Variants in CREB3L2 observed in about 807,000 individuals in gnomAD.
The protein encoded by CREB3L2 is cAMP responsive element binding protein 3 like 2, also known as cyclic AMP-responsive element-binding protein 3-like protein 2.
A neutral mutation model predicts 57.2 loss-of-function variants in CREB3L2; 23 were observed. The ratio of observed to expected loss-of-function variants is 0.40; its 90% CI spans 0.29 to 0.57. The LOEUF is 0.57. Among genes scored for constraint, CREB3L2 ranks in the 20% least tolerant of loss-of-function variants. CREB3L2 has a pLI of 0.42. For synonymous variants in CREB3L2, 268 were observed against 265.1 expected, an observed-to-expected ratio of 1.01 and a Z score of -0.11; for missense variants, 628 against 634.7, an observed-to-expected ratio of 0.99 and a Z score of 0.11.
At chr7:137,977,470 T>A (rs1801628199) in intron 1 of CREB3L2, among the ~76,000 whole-genome samples, 1 of 152,226 alleles carries the variant, frequency 6.6e-6, no homozygotes, top group African/African-American at 2.4e-5. Context: ...CAGGAAAGAA[T>A]CTTGGTATAA....
chr7:137,971,557 G>A (rs1218941337), intron 1 of CREB3L2, among the ~76,000 whole-genome samples: 1 of 151,886 alleles, frequency 6.6e-6, no homozygotes, highest in African/African-American at 2.4e-5. Context: ...GCTGTGATGT[G>A]TGAGTGCACA....
Position 138,001,508 on chromosome 7 carries a change from A to T in CREB3L2, c.102+96T>A, listed in dbSNP as rs1585688146. On this transcript the variant is annotated intron_variant, in intron 1 of 11. Transcript: ENST00000330387. This position sits in a 1 kb window ranked among gnomAD's most constrained non-coding sequence, Gnocchi z 4.2. ...TGATTCTGACCATGCCCTGCCCCAA[A>T]CCCTGCCTTCCCGGGTCCCAGGACT... 1.1e-6 allele frequency: 1 copy of T among 888,332 alleles called. No individual in the cohort carries two copies. Among genetic ancestry groups the T allele is most frequent in the Non-Finnish European group, 1.8e-6 (1 of 567,878 alleles). The allele number at this position is 888,332 out of a possible 1,614,324, so 55.0% of individuals were successfully genotyped here. A position where few individuals can be genotyped will look rare whatever the true frequency, so the allele number is the denominator to read the frequency against.
At chr7:137,952,315 G>T (rs894436496) in intron 1 of CREB3L2, among the ~76,000 whole-genome samples, 4 of 152,114 alleles carry the variant, frequency 2.6e-5, no homozygotes, top group African/African-American at 4.8e-5. Flanking sequence ...GACTTTGAAG[G>T]TTCTCCTTGT....
rs149220295 is a variant in CREB3L2, at chr7:137,879,826, G to A, written c.*650C>T. On this transcript the variant is annotated 3_prime_UTR_variant, in exon 12 of 12. Transcript: ENST00000330387. ...CCAGGTTGTGGGAGGTCCTAAAAGC[G>A]ACAAGATGGGGCAGGTTTGCCTGGA... 41 of 235,152 alleles carry A rather than the reference G, an allele frequency of 1.7e-4. No individual in the cohort carries two copies. The highest frequency in any genetic ancestry group is 2.6e-3 in the Middle Eastern group (2 of 784). The allele number at this position is 235,152 out of a possible 1,614,324, so 14.6% of individuals were successfully genotyped here. A position where few individuals can be genotyped will look rare whatever the true frequency, so the allele number is the denominator to read the frequency against.
At chr7:137,928,881 G>C (rs1326976403) in intron 1 of CREB3L2, among the ~76,000 whole-genome samples, 1 of 152,300 alleles carries the variant, frequency 6.6e-6, no homozygotes, top group East Asian at 1.9e-4. Context: ...CTTGATGAGA[G>C]GAATGGCAGA....
chr7:137,900,059 T>A (rs1799719911), intron 8 of CREB3L2, among the ~76,000 whole-genome samples: 1 of 152,178 alleles, frequency 6.6e-6, no homozygotes, highest in Admixed American at 6.5e-5. Context: ...CTCTAAGAAA[T>A]AATTGTCACA....
Position 137,961,591 on chromosome 7 carries a change from C to G in CREB3L2, c.103-33225G>C, listed in dbSNP as rs537799688. ...ACCTCTAGGCCTCAACTCTTCCTGT[C>G]ATTTTGGGGGTCCCTCCCCTGTGGC... On this transcript the variant is annotated intron_variant, in intron 1 of 11. Transcript: ENST00000330387. Among the ~76,000 whole-genome samples, 17 of 152,266 alleles carry G rather than the reference C, an allele frequency of 1.1e-4. No individual in the cohort carries two copies. In the East Asian group the frequency reaches 2.9e-3, roughly 26 times the overall value.
intron 1 of CREB3L2, among the ~76,000 whole-genome samples, chr7:137,997,706 T>C (rs981368552): frequency 6.6e-6 from 1 of 150,716 alleles, no homozygotes; most frequent in Non-Finnish European, 1.5e-5. Flanking sequence ...CTAGTCTGGG[T>C]GTCAGAACAA....
At position 137,899,104 on chromosome 7, in the gene CREB3L2, G is replaced by A. The variant is rs1280507225; in HGVS notation, c.1043+2250C>T. ...AGGAAGAAAAAGGAAAGAGAAGGAA[G>A]GAAGGAAGGAAGGAAGGAAGGAAGG... On this transcript the variant is annotated intron_variant, in intron 8 of 11. Coordinates refer to ENST00000330387, the MANE Select transcript of CREB3L2 (RefSeq NM_194071.4). 2.8e-3 allele frequency among the ~76,000 whole-genome samples: 90 copies of A among 31,766 alleles called. No individual in the cohort carries two copies. In the East Asian group the frequency reaches 0.038, roughly 14 times the overall value. The allele number at this position is 31,766 out of a possible 152,430, so 20.8% of individuals were successfully genotyped here.
chr7:137,949,635 A>C (rs950833433), intron 1 of CREB3L2, among the ~76,000 whole-genome samples: 2 of 152,222 alleles, frequency 1.3e-5, no homozygotes, highest in African/African-American at 4.8e-5. Flanking sequence ...CAGCTAACAC[A>C]GACGTAAAGC....
intron 1 of CREB3L2, among the ~76,000 whole-genome samples, chr7:137,967,855 C>G (rs1801434113): frequency 6.6e-6 from 1 of 152,234 alleles, no homozygotes; most frequent in African/African-American, 2.4e-5. Context: ...TGTGATGCCC[C>G]ATCCACTTCC....
intron 1 of CREB3L2, among the ~76,000 whole-genome samples, chr7:137,952,831 C>G (rs938791263): frequency 1.3e-5 from 2 of 151,828 alleles, no homozygotes; most frequent in African/African-American, 4.8e-5. Flanking sequence ...TTTTTTTAGA[C>G]GGGGTCTCTC....
chr7:137,947,513 C>T (rs758186821), intron 1 of CREB3L2, among the ~76,000 whole-genome samples: 1 of 152,098 alleles, frequency 6.6e-6, no homozygotes, highest in Non-Finnish European at 1.5e-5. Flanking sequence ...TCCGGGGCTC[C>T]CCTGAGCCTC....
intron 2 of CREB3L2, 90 bp downstream of exon 2, chr7:137,928,060 A>T: frequency 1.0e-6 from 1 of 994,740 alleles, no homozygotes; most frequent in South Asian, 1.5e-5. Context: ...GGGTGCTGAC[A>T]CCCTCTTTAA....
chr7:137,939,721 G>C (rs1049343409), intron 1 of CREB3L2, among the ~76,000 whole-genome samples: 1 of 152,182 alleles, frequency 6.6e-6, no homozygotes, highest in African/African-American at 2.4e-5. Flanking sequence ...AAGCCACAGA[G>C]ACTGGGATGC....
At chr7:137,939,769 C>G (rs1350961271) in intron 1 of CREB3L2, among the ~76,000 whole-genome samples, 1 of 152,200 alleles carries the variant, frequency 6.6e-6, no homozygotes, top group Non-Finnish European at 1.5e-5. Context: ...ATTCTTCCCT[C>G]TCCCTTTTCT....
At chr7:137,984,365 C>T (rs12707374) in intron 1 of CREB3L2, among the ~76,000 whole-genome samples, 98,876 of 152,180 alleles carry the variant, frequency 0.65, 34,483 homozygotes, top group South Asian at 0.89. Context: ...TCAGAGAAAG[C>T]CCTGGCTTGT....
chr7:137,939,184 C>G (rs1381901674), intron 1 of CREB3L2, among the ~76,000 whole-genome samples: 1 of 152,160 alleles, frequency 6.6e-6, no homozygotes, highest in Non-Finnish European at 1.5e-5. Context: ...AATAATAGCA[C>G]CTTCCATATT....
At position 138,001,039 on chromosome 7, in the gene CREB3L2, G is replaced by A. The variant is rs1161798141; in HGVS notation, c.102+565C>T. On this transcript the variant is annotated intron_variant, in intron 1 of 11. Transcript: ENST00000330387. This position sits in a 1 kb window ranked among gnomAD's most constrained non-coding sequence, Gnocchi z 4.2. ...CTTCTTGGTCGTACAGTTTAAGAAAGCAAATAAAGCCGCCTTTCTCCCTAA... is the reference window on the plus strand; with the variant it reads ...CTTCTTGGTCGTACAGTTTAAGAAAACAAATAAAGCCGCCTTTCTCCCTAA... Among the ~76,000 whole-genome samples, 1 of 145,890 alleles carries A rather than the reference G, an allele frequency of 6.9e-6. No homozygotes were observed. The highest frequency in any genetic ancestry group is 1.5e-5 in the Non-Finnish European group (1 of 66,594).
Sources: gnomAD v4.1 joint callset for allele counts (sites outside exome capture counted in the v4.1 genomes callset) on GRCh38, gnomAD v4.1.1 for gene constraint, Gnocchi (gnomAD v3.1) non-coding constraint, MANE v1.5 for transcripts, NCBI Gene and HGNC (gene_info 2026-07-23, HGNC 2026-07-21) for gene names.